The following TRHDE variants were observed in gnomAD, a reference collection of about 807,000 sequenced individuals.
TRHDE encodes thyrotropin releasing hormone degrading enzyme.
Under a neutral mutation model 125.7 loss-of-function variants are expected in TRHDE, and 72 were observed. The ratio of observed to expected loss-of-function variants is 0.57; its 90% CI spans 0.47 to 0.70. The LOEUF is 0.70. TRHDE is among the 30% of genes least tolerant of loss of function. TRHDE has a pLI of 0.00. For missense variants in TRHDE, 1,110 were observed against 1,327.1 expected, an observed-to-expected ratio of 0.84 and a Z score of 2.54; for synonymous variants, 509 against 509.1, an observed-to-expected ratio of 1.00 and a Z score of 0.00.
At chr12:72,397,452 A>G (rs942619951) in intron 3 of TRHDE, among the ~76,000 whole-genome samples, 2 of 152,152 alleles carry the variant, frequency 1.3e-5, no homozygotes, top group African/African-American at 2.4e-5. Flanking sequence ...GTCACGCTAC[A>G]TGAGTATCTT....
At chr12:72,372,461 G>T (rs1272121466) in intron 2 of TRHDE, among the ~76,000 whole-genome samples, 1 of 152,124 alleles carries the variant, frequency 6.6e-6, no homozygotes, top group Admixed American at 6.5e-5. Context: ...TGAAGTCTTT[G>T]CCCATGCCTA....
intron 18 of TRHDE, among the ~76,000 whole-genome samples, chr12:72,658,823 T>C (rs1408161030): frequency 1.3e-5 from 2 of 152,200 alleles, no homozygotes; most frequent in African/African-American, 4.8e-5. Flanking sequence ...ATGAATCTCT[T>C]CACTCTGGAG....
chr12:72,610,212 C>T (rs770913090), intron 12 of TRHDE, among the ~76,000 whole-genome samples: 2 of 152,232 alleles, frequency 1.3e-5, no homozygotes, highest in African/African-American at 2.4e-5. Context: ...CAATAAAAAA[C>T]GTGTGGATAA....
chr12:72,380,766 G>GCTTGCTTCCTTC (rs1872124141), intron 3 of TRHDE, among the ~76,000 whole-genome samples: 4 of 71,012 alleles, frequency 5.6e-5, no homozygotes, highest in South Asian at 6.6e-4. Context: ...TTCCTTCCTT[G>GCTTGCTTCCTTC]CTTCCTTCCT....
intron 2 of TRHDE, among the ~76,000 whole-genome samples, chr12:72,228,855 A>G (rs1243919240): frequency 1.3e-5 from 2 of 152,218 alleles, no homozygotes; most frequent in African/African-American, 2.4e-5. Context: ...AAATGCTGCC[A>G]GTCTCTTTGC....
At chr12:72,466,894 A>G (rs1207320723) in intron 3 of TRHDE, among the ~76,000 whole-genome samples, 1 of 152,044 alleles carries the variant, frequency 6.6e-6, no homozygotes, top group Admixed American at 6.5e-5. Context: ...TTTCTCATTC[A>G]TTTATTACTT....
chr12:72,443,077 C>T (rs1296832106), intron 3 of TRHDE, among the ~76,000 whole-genome samples: 8 of 151,784 alleles, frequency 5.3e-5, no homozygotes, highest in African/African-American at 1.9e-4. Flanking sequence ...AAGTCCTCCA[C>T]GATTTGGTCA....
chr12:72,272,965 C>T lies in TRHDE; in HGVS notation c.322C>T (p.Leu108=), dbSNP rs1879303245. ...AVTMLAVLLS[L]RFDECGASAT... ...CACAATGCTCGCTGTGCTGCTCAGC[C>T]TGCGCTTCGACGAGTGCGGGGCGAG... The change falls in exon 1 of 19, where the codon CTG becomes TTG. Residue 108 remains leucine, a synonymous_variant. Transcript: ENST00000261180. This position sits in a 1 kb window ranked among gnomAD's most constrained non-coding sequence, Gnocchi z 6.7. The T allele has an allele frequency of 1.3e-6, 2 of 1,567,450 alleles. No homozygotes were observed. The highest frequency in any genetic ancestry group is 1.2e-5 in the South Asian group (1 of 86,774).
chr12:72,471,369 C>T (rs189931819), intron 4 of TRHDE, among the ~76,000 whole-genome samples: 116 of 152,238 alleles, frequency 7.6e-4, no homozygotes, highest in Non-Finnish European at 8.5e-4. Flanking sequence ...GAGACAAAAG[C>T]AGTTTCCTTT....
At chr12:72,607,960 G>A (rs1168115115) in intron 12 of TRHDE, among the ~76,000 whole-genome samples, 2 of 151,918 alleles carry the variant, frequency 1.3e-5, no homozygotes, top group African/African-American at 4.8e-5. Context: ...TTGTCTTCCT[G>A]CTTAATTATT....
intron 2 of TRHDE, among the ~76,000 whole-genome samples, chr12:72,191,695 C>T (rs1003621320): frequency 9.9e-5 from 15 of 151,992 alleles, no homozygotes; most frequent in African/African-American, 3.6e-4. Context: ...GATATTAGTC[C>T]TTTGAGAGTT....
intron 2 of TRHDE, among the ~76,000 whole-genome samples, chr12:72,370,309 T>C (rs1329339023): frequency 6.6e-6 from 1 of 152,168 alleles, no homozygotes; most frequent in Non-Finnish European, 1.5e-5. Flanking sequence ...AAACCACGGT[T>C]ATCTTTCATC....
chr12:72,305,383 G>A (rs910715721), intron 2 of TRHDE, among the ~76,000 whole-genome samples: 3 of 152,182 alleles, frequency 2.0e-5, no homozygotes, highest in Non-Finnish European at 2.9e-5. Flanking sequence ...AATTACATAA[G>A]ATTATGATGG....
chr12:72,277,649 A>C (rs949532679), intron 1 of TRHDE, among the ~76,000 whole-genome samples: 1 of 152,120 alleles, frequency 6.6e-6, no homozygotes, highest in Non-Finnish European at 1.5e-5. Flanking sequence ...ACAATTCAAA[A>C]TGCCACCAGT....
chr12:72,239,799 G>T (rs1878437892), intron 2 of TRHDE, among the ~76,000 whole-genome samples: 1 of 152,126 alleles, frequency 6.6e-6, no homozygotes, highest in African/African-American at 2.4e-5. Context: ...TATCATAAGA[G>T]ACAAAAGTCT....
intron 3 of TRHDE, among the ~76,000 whole-genome samples, chr12:72,396,454 C>G (rs1206472705): frequency 6.6e-6 from 1 of 152,070 alleles, no homozygotes; most frequent in Non-Finnish European, 1.5e-5. Context: ...TCTTTCAAGA[C>G]TTTATTCTCG....
chr12:72,618,940 T>C lies in TRHDE; in HGVS notation c.2371T>C (p.Ser791Pro). The C allele has an allele frequency of 6.3e-7, 1 of 1,595,964 alleles. No individual in the cohort carries two copies. Among genetic ancestry groups the C allele is most frequent in the Non-Finnish European group, 8.5e-7 (1 of 1,170,396 alleles). The change falls in exon 13 of 19, where the codon TCT becomes CCT. Residue 791 changes from serine to proline, a missense_variant. This residue lies in a region of TRHDE where 527 missense variants were observed against 651.8 expected (regional missense o/e 0.81). Transcript: ENST00000261180. ...TCCTCTGGAGATTATCAGATACCTG[T>C]CTGAGGAGAAGGATTTTCTTCCTTG... is the stretch of plus-strand genomic sequence containing the variant. ...NIPLEIIRYL[S>P]EEKDFLPWHA...
chr12:72,580,168 C>T (rs548080479), intron 12 of TRHDE, among the ~76,000 whole-genome samples: 9 of 152,158 alleles, frequency 5.9e-5, no homozygotes, highest in South Asian at 4.1e-4. Context: ...AGTTTTCCAG[C>T]GATAATGTTA....
At chr12:72,152,913 A>G (rs892421126) in intron 2 of TRHDE, among the ~76,000 whole-genome samples, 1 of 152,194 alleles carries the variant, frequency 6.6e-6, no homozygotes, top group Non-Finnish European at 1.5e-5. Context: ...GGCCTCATAA[A>G]ATGAGTTAGG....
Sources: gnomAD v4.1 joint callset for allele counts (sites outside exome capture counted in the v4.1 genomes callset) on GRCh38, gnomAD v4.1.1 for gene constraint, gnomAD v4.1.1 regional missense constraint, Gnocchi (gnomAD v3.1) non-coding constraint, MANE v1.5 for transcripts, NCBI Gene and HGNC (gene_info 2026-07-23, HGNC 2026-07-21) for gene names.